The following CLSTN2 variants were observed in gnomAD, a reference collection of about 807,000 sequenced individuals.
The protein encoded by CLSTN2 is calsyntenin 2.
A neutral mutation model predicts 101.2 loss-of-function variants in CLSTN2; 48 were observed. The observed-to-expected ratio is 0.47, with a 90% CI of 0.38 to 0.60. The LOEUF (loss-of-function observed/expected upper bound fraction) is 0.60. Among genes scored for constraint, CLSTN2 ranks in the 20% least tolerant of loss-of-function variants. The pLI is 0.00. For missense variants in CLSTN2, 1,160 were observed against 1,238.2 expected (o/e 0.94, Z 0.95); for synonymous variants, 481 against 463.6 (o/e 1.04, Z -0.48).
At chr3:140,487,664 C>T (rs1412330398) in intron 8 of CLSTN2, among the ~76,000 whole-genome samples, 1 of 152,216 alleles carries the variant, frequency 6.6e-6, no homozygotes. Flanking sequence ...AACAGAAAAG[C>T]CTAACGTCTG....
chr3:140,429,795 TAA>T (rs2088609703), intron 5 of CLSTN2, among the ~76,000 whole-genome samples: 1 of 152,114 alleles, frequency 6.6e-6, no homozygotes, highest in Non-Finnish European at 1.5e-5. Flanking sequence ...AAACTCAAGT[TAA>T]AGTGGGCATC....
At chr3:140,226,177 A>G (rs1197735723) in intron 2 of CLSTN2, among the ~76,000 whole-genome samples, 1 of 152,020 alleles carries the variant, frequency 6.6e-6, no homozygotes, top group Non-Finnish European at 1.5e-5. Flanking sequence ...AAATAACCAC[A>G]GAAATGGAGA....
intron 2 of CLSTN2, among the ~76,000 whole-genome samples, chr3:140,365,681 G>T (rs562928783): frequency 6.6e-6 from 1 of 151,988 alleles, no homozygotes; most frequent in African/African-American, 2.4e-5. Flanking sequence ...CTGACCCCTG[G>T]GGTTAAGCTT....
intron 1 of CLSTN2, among the ~76,000 whole-genome samples, chr3:140,040,342 T>C (rs931638832): frequency 2.0e-5 from 3 of 152,020 alleles, no homozygotes; most frequent in African/African-American, 7.2e-5. Context: ...ACTCCTGGGG[T>C]GCTAATGTGC....
intron 5 of CLSTN2, among the ~76,000 whole-genome samples, chr3:140,434,646 A>C (rs2088669044): frequency 6.6e-6 from 1 of 152,302 alleles, no homozygotes; most frequent in African/African-American, 2.4e-5. Flanking sequence ...GGATTGGGGA[A>C]GGGGCCAGTG....
intron 2 of CLSTN2, among the ~76,000 whole-genome samples, chr3:140,337,869 A>G (rs72991739): frequency 0.062 from 9,445 of 152,172 alleles, 893 homozygotes; most frequent in African/African-American, 0.21. Context: ...TATGGGGTTT[A>G]TATGTATTAA....
chr3:139,991,610 A>C (rs1936115821), intron 1 of CLSTN2, among the ~76,000 whole-genome samples: 1 of 152,272 alleles, frequency 6.6e-6, no homozygotes, highest in Non-Finnish European at 1.5e-5. Context: ...GCTGAATTTA[A>C]TTAAATATTT....
intron 1 of CLSTN2, among the ~76,000 whole-genome samples, 194 bp from the exon 2 acceptor site, chr3:140,175,757 T>C (rs1449990564): frequency 4.6e-5 from 7 of 152,194 alleles, no homozygotes; most frequent in Admixed American, 3.9e-4. Flanking sequence ...GTGGCTTGGG[T>C]GAGGTGTTGA....
chr3:140,516,548 G>T (rs1215636393), intron 8 of CLSTN2, among the ~76,000 whole-genome samples: 3 of 138,034 alleles, frequency 2.2e-5, no homozygotes, highest in African/African-American at 5.8e-5. Flanking sequence ...AATTCTTTTG[G>T]CATTTTTTTT....
At chr3:140,482,553 C>A (rs2107752451) in intron 8 of CLSTN2, among the ~76,000 whole-genome samples, 1 of 152,300 alleles carries the variant, frequency 6.6e-6, no homozygotes, top group South Asian at 2.1e-4. Context: ...TAGAATTCAG[C>A]TGTGAATCGA....
intron 2 of CLSTN2, among the ~76,000 whole-genome samples, chr3:140,390,067 C>A (rs1162054475): frequency 7.8e-6 from 1 of 128,414 alleles, no homozygotes; most frequent in Non-Finnish European, 1.6e-5. Flanking sequence ...TGGGCCTGGA[C>A]TTTTCTTTAA....
At chr3:139,959,921 A>C (rs1046482561) in intron 1 of CLSTN2, among the ~76,000 whole-genome samples, 16 of 151,374 alleles carry the variant, frequency 1.1e-4, no homozygotes, top group Admixed American at 2.0e-4. Flanking sequence ...CTCCTCTCCC[A>C]CCCCCTACCA....
intron 1 of CLSTN2, among the ~76,000 whole-genome samples, chr3:140,026,683 G>A (rs1297179006): frequency 6.6e-6 from 1 of 152,210 alleles, no homozygotes; most frequent in Non-Finnish European, 1.5e-5. Flanking sequence ...CTGACTGAGT[G>A]TGATATCTTC....
At chr3:140,235,300 G>A (rs552128497) in intron 2 of CLSTN2, among the ~76,000 whole-genome samples, 2 of 152,084 alleles carry the variant, frequency 1.3e-5, no homozygotes, top group African/African-American at 2.4e-5. Context: ...CCAGATGGGG[G>A]CCCTAACAGT....
At chr3:140,049,293 A>G (rs1247155359) in intron 1 of CLSTN2, among the ~76,000 whole-genome samples, 1 of 152,196 alleles carries the variant, frequency 6.6e-6, no homozygotes, top group Non-Finnish European at 1.5e-5. Context: ...TTAACAGTAA[A>G]ATCAAGAAAA....
chr3:140,214,877 T>A (rs1330238593), intron 2 of CLSTN2, among the ~76,000 whole-genome samples: 2 of 152,224 alleles, frequency 1.3e-5, no homozygotes, highest in Non-Finnish European at 2.9e-5. Flanking sequence ...TGCCATATAT[T>A]TTTGAAGTCT....
chr3:140,338,450 C>G (rs1326805286), intron 2 of CLSTN2, among the ~76,000 whole-genome samples: 1 of 152,214 alleles, frequency 6.6e-6, no homozygotes, highest in Non-Finnish European at 1.5e-5. Flanking sequence ...TATCAATGCT[C>G]TACAGCCAGT....
intron 7 of CLSTN2, among the ~76,000 whole-genome samples, chr3:140,460,091 T>G (rs554639006): frequency 5.9e-5 from 9 of 152,192 alleles, no homozygotes; most frequent in Non-Finnish European, 4.4e-5. Context: ...ATAAGTGAGA[T>G]GGGGGTGAGA....
At chr3:140,300,712 C>T (rs981598953) in intron 2 of CLSTN2, among the ~76,000 whole-genome samples, 6 of 152,050 alleles carry the variant, frequency 3.9e-5, no homozygotes, top group Non-Finnish European at 2.9e-5. Context: ...TATCTTTACA[C>T]TCTTAAAAAT....
Sources: allele counts gnomAD v4.1 joint callset (sites outside exome capture counted in the v4.1 genomes callset), GRCh38; gene constraint gnomAD v4.1.1; transcripts MANE v1.5; gene names NCBI Gene and HGNC (gene_info 2026-07-23, HGNC 2026-07-21).